Variants in PCDH1 observed in about 807,000 individuals in gnomAD.
PCDH1 encodes the protein protocadherin-1.
PCDH1 carries 23 observed loss-of-function variants against 74.6 expected under a neutral mutation model. That is an observed-to-expected ratio of 0.31 (90% CI 0.22 to 0.44). PCDH1 has a LOEUF of 0.44. Ranked by LOEUF, PCDH1 falls within the 20% of genes least tolerant of loss-of-function variation. The pLI, the probability that PCDH1 is intolerant of heterozygous loss-of-function variation, is 1.00. For synonymous variants in PCDH1, 647 were observed against 686.1 expected, an observed-to-expected ratio of 0.94 and a Z score of 0.89; for missense variants, 1,214 against 1,641.4, an observed-to-expected ratio of 0.74 and a Z score of 4.50.
At chr5:141,855,653 CA>C (rs1752306795) in intron 4 of PCDH1, among the ~76,000 whole-genome samples, 1 of 152,106 alleles carries the variant, frequency 6.6e-6, no homozygotes, top group Non-Finnish European at 1.5e-5. Context: ...GCTTTAAAGC[CA>C]GGGGGAAGGG....
intron 3 of PCDH1, 84 bp from the exon 4 acceptor site, chr5:141,857,555 C>G: frequency 1.7e-6 from 2 of 1,153,516 alleles, no homozygotes; most frequent in South Asian, 3.0e-5. Flanking sequence ...ACAAGCCAAG[C>G]ACCATCCTAC....
At chr5:141,862,774 C>T in intron 3 of PCDH1, 1 of 1,026,470 alleles carries the variant, frequency 9.7e-7, no homozygotes, top group Non-Finnish European at 1.2e-6. Context: ...AGGTGCCCTC[C>T]CCTGGCAGAC....
In PCDH1 at chr5:141,868,522, T is replaced by A; in HGVS notation, c.903+47A>T. ...CTCACCTGGTTGGGTGGGCTCCCATTTCTAGTGGTGGGTCACCCTGACAGT... is the reference window on the plus strand; with the variant it reads ...CTCACCTGGTTGGGTGGGCTCCCATATCTAGTGGTGGGTCACCCTGACAGT... On this transcript the variant is annotated intron_variant, in intron 2 of 4. Coordinates refer to ENST00000287008, the MANE Select transcript of PCDH1 (RefSeq NM_032420.5). This position sits in a 1 kb window ranked among gnomAD's most constrained non-coding sequence, Gnocchi z 4.8. The A allele has an allele frequency of 2.0e-6, 3 of 1,512,426 alleles. No homozygotes were observed. Among genetic ancestry groups the A allele is most frequent in the Non-Finnish European group, 2.6e-6 (3 of 1,132,298 alleles). 93.7% of individuals were successfully genotyped at this position (1,512,426 alleles called of 1,614,324 possible). A position where few individuals can be genotyped will look rare whatever the true frequency, so the allele number is the denominator to read the frequency against.
chr5:141,869,871 G>A lies in PCDH1; in HGVS notation c.41-440C>T. 1 of 915,022 alleles carries A rather than the reference G, an allele frequency of 1.1e-6. No individual in the cohort carries two copies. The highest frequency in any genetic ancestry group is 1.3e-6 in the Non-Finnish European group (1 of 765,622). 56.7% of individuals were successfully genotyped at this position (915,022 alleles called of 1,614,324 possible). ...GATAGGGAGAGAGAGCCAGTGGAAG[G>A]GTGAGACCTCGAGCATCCCCAACTG... On this transcript the variant is annotated intron_variant, in intron 1 of 4. Transcript: ENST00000287008. The surrounding 1 kb of genome is among the most constrained non-coding windows in gnomAD (Gnocchi z 4.9).
At chr5:141,866,366 G>T (rs529484380) in intron 2 of PCDH1, among the ~76,000 whole-genome samples, 1 of 152,204 alleles carries the variant, frequency 6.6e-6, no homozygotes, top group Non-Finnish European at 1.5e-5. Flanking sequence ...TGCAGTCAGC[G>T]GGCACACCCT....
intron 3 of PCDH1, among the ~76,000 whole-genome samples, chr5:141,861,611 C>T (rs906258865): frequency 6.6e-6 from 1 of 152,160 alleles, no homozygotes; most frequent in Non-Finnish European, 1.5e-5. Flanking sequence ...CCTCCAAGGA[C>T]CCAAGGAGTT....
intron 3 of PCDH1, among the ~76,000 whole-genome samples, chr5:141,858,024 A>G (rs1752416353): frequency 1.3e-5 from 2 of 152,118 alleles, no homozygotes; most frequent in South Asian, 4.1e-4. Context: ...TAGTTCCCTC[A>G]TTTCCAAACA....
Position 141,865,202 on chromosome 5 carries a change from C to G in PCDH1, c.1129G>C (p.Val377Leu). 6.2e-7 allele frequency: 1 copy of G among 1,614,192 alleles called. No individual in the cohort carries two copies. Among genetic ancestry groups the G allele is most frequent in the East Asian group, 2.2e-5 (1 of 44,878 alleles). ...GGGGCATTGTCATTCATGTCCTTCA[C>G]GGTCACAACCACCTGGGCACGGGCA... is the stretch of plus-strand genomic sequence containing the variant. ...KSARAQVVVT[V>L]KDMNDNAPTI... The change falls in exon 3 of 5, where the codon GTG becomes CTG. Residue 377 changes from valine to leucine, a missense_variant. Transcript: ENST00000287008. The surrounding 1 kb of genome is among the most constrained non-coding windows in gnomAD (Gnocchi z 4.4).
Position 141,864,466 on chromosome 5 carries a change from A to G in PCDH1, c.1865T>C (p.Met622Thr), listed in dbSNP as rs1313670126. Residue 622 changes from methionine (M) to threonine (T), a missense_variant, in exon 3 of 5, where the codon ATG becomes ACG. Coordinates refer to ENST00000287008, the MANE Select transcript of PCDH1 (RefSeq NM_032420.5). The surrounding 1 kb of genome is among the most constrained non-coding windows in gnomAD (Gnocchi z 5.9). ...FMLSGYNFSV[M>T]ENMPALSPVG... ...TGGACTCAGTGCTGGCATGTTCTCC[A>G]TCACTGAGAAGTTGTAGCCACTCAG... 1.2e-6 allele frequency: 2 copies of G among 1,613,944 alleles called. No homozygotes were observed. The highest frequency in any genetic ancestry group is 2.7e-5 in the African/African-American group (2 of 74,892).
At chr5:141,876,241 C>T (rs1028161114) in intron 1 of PCDH1, among the ~76,000 whole-genome samples, 2 of 152,334 alleles carry the variant, frequency 1.3e-5, no homozygotes, top group South Asian at 2.1e-4. Context: ...GGCTAGGGCG[C>T]GGCGTGGTGA....
chr5:141,871,109 C>G (rs1753085952), intron 1 of PCDH1, among the ~76,000 whole-genome samples: 1 of 152,224 alleles, frequency 6.6e-6, no homozygotes, highest in Non-Finnish European at 1.5e-5. Context: ...TATTGTGCAC[C>G]TATTCCTGAG....
chr5:141,861,604 C>T (rs574054880), intron 3 of PCDH1, among the ~76,000 whole-genome samples: 1 of 152,252 alleles, frequency 6.6e-6, no homozygotes, highest in East Asian at 1.9e-4. Flanking sequence ...CCCCACTCCT[C>T]CAAGGACCCA....
At chr5:141,877,570 C>G (rs1197288946) in intron 1 of PCDH1, among the ~76,000 whole-genome samples, 1 of 152,104 alleles carries the variant, frequency 6.6e-6, no homozygotes. Flanking sequence ...GGGTGTCACA[C>G]CCGGTTGTGT....
chr5:141,866,399 C>T (rs1265709497), intron 2 of PCDH1, among the ~76,000 whole-genome samples: 1 of 152,238 alleles, frequency 6.6e-6, no homozygotes. Flanking sequence ...CCAACGCGCA[C>T]TCGACTCAAC....
At position 141,853,913 on chromosome 5, in the gene PCDH1, A is replaced by T. The variant is rs951621806; in HGVS notation, c.*129T>A. 17 of 769,398 alleles carry T rather than the reference A, an allele frequency of 2.2e-5. No homozygotes were observed. The highest frequency in any genetic ancestry group is 5.2e-5 in the African/African-American group (3 of 57,418). The allele number at this position is 769,398 out of a possible 1,614,324, so 47.7% of individuals were successfully genotyped here. A position where few individuals can be genotyped will look rare whatever the true frequency, so the allele number is the denominator to read the frequency against. On this transcript the variant is annotated 3_prime_UTR_variant, in exon 5 of 5. Coordinates refer to ENST00000287008, the MANE Select transcript of PCDH1 (RefSeq NM_032420.5). ...GAAGGGCCAGCGTGGTCATGAGGTC[A>T]GTGATACCCCCACTTGGGGCCCTGG...
At chr5:141,856,100 T>C (rs1434588509) in intron 4 of PCDH1, 21 of 946,444 alleles carry the variant, frequency 2.2e-5, no homozygotes, top group Non-Finnish European at 3.4e-5. Flanking sequence ...GCCAAGGCTC[T>C]ACAGCTCAGA....
At chr5:141,861,346 G>A (rs1752557468) in intron 3 of PCDH1, among the ~76,000 whole-genome samples, 1 of 152,178 alleles carries the variant, frequency 6.6e-6, no homozygotes, top group African/African-American at 2.4e-5. Context: ...GATGACAACA[G>A]GTGGTGTGGT....
Position 141,863,160 on chromosome 5 carries a change from C to G in PCDH1, c.3099+72G>C, listed in dbSNP as rs1431835036. The G allele has an allele frequency of 6.7e-7, 1 of 1,494,398 alleles. No homozygotes were observed. 92.6% of individuals were successfully genotyped at this position (1,494,398 alleles called of 1,614,324 possible). A position where few individuals can be genotyped will look rare whatever the true frequency, so the allele number is the denominator to read the frequency against. ...TAAACCTGCTCCATCACTCCCACAC[C>G]TCGGTCCAGATGGCTCCGTGGTAGG... On this transcript the variant is annotated intron_variant, in intron 3 of 4. Transcript: ENST00000287008. This position sits in a 1 kb window ranked among gnomAD's most constrained non-coding sequence, Gnocchi z 7.5.
At position 141,853,665 on chromosome 5, in the gene PCDH1, T is replaced by A. The variant is rs746320093; in HGVS notation, c.*377A>T. 2.9e-4 allele frequency: 52 copies of A among 176,804 alleles called. No individual in the cohort carries two copies. Among genetic ancestry groups the A allele is most frequent in the Non-Finnish European group, 4.8e-4 (41 of 84,568 alleles). The allele number at this position is 176,804 out of a possible 1,614,324, so 11.0% of individuals were successfully genotyped here. A position where few individuals can be genotyped will look rare whatever the true frequency, so the allele number is the denominator to read the frequency against. ...AAAATTGGGCATGCTATCCCCGCCC[T>A]GGTCGGCCATGAGGGAAACAATGAG... On this transcript the variant is annotated 3_prime_UTR_variant, in exon 5 of 5. Coordinates refer to ENST00000287008, the MANE Select transcript of PCDH1 (RefSeq NM_032420.5).
Sources: gnomAD v4.1 joint callset for allele counts (sites outside exome capture counted in the v4.1 genomes callset) on GRCh38, gnomAD v4.1.1 for gene constraint, Gnocchi (gnomAD v3.1) non-coding constraint, MANE v1.5 for transcripts, NCBI Gene and HGNC (gene_info 2026-07-23, HGNC 2026-07-21) for gene names.